ARHGAP10: variants seen among roughly 807,000 people sequenced by gnomAD.
ARHGAP10 encodes Rho GTPase activating protein 10.
A neutral mutation model predicts 108.6 loss-of-function variants in ARHGAP10; 87 were observed. The observed-to-expected ratio is 0.80, with a 90% confidence interval of 0.67 to 0.96. ARHGAP10 has a LOEUF of 0.96. Among genes scored for constraint, ARHGAP10 ranks in the 40% least tolerant of loss-of-function variants. The probability of loss-of-function intolerance (pLI) is 0.00; values close to 1 mark genes in which losing one functional copy is unlikely to be tolerated. For synonymous variants in ARHGAP10, 347 were observed against 341.1 expected, an observed-to-expected ratio of 1.02 and a Z score of -0.19; for missense variants, 939 against 954.5, an observed-to-expected ratio of 0.98 and a Z score of 0.21.
chr4:147,808,503 G>A (rs1257973574), intron 1 of ARHGAP10, among the ~76,000 whole-genome samples: 1 of 152,062 alleles, frequency 6.6e-6, no homozygotes, highest in African/African-American at 2.4e-5. Context: ...TTTAAGCAGG[G>A]GAGTAAGGAG....
chr4:147,760,436 T>G (rs2126704542), intron 1 of ARHGAP10, among the ~76,000 whole-genome samples: 1 of 152,166 alleles, frequency 6.6e-6, no homozygotes, highest in East Asian at 1.9e-4. Flanking sequence ...CTCCCGTGAG[T>G]CCACATCACT....
intron 8 of ARHGAP10, among the ~76,000 whole-genome samples, chr4:147,875,411 T>C (rs952186938): frequency 6.6e-6 from 1 of 152,164 alleles, no homozygotes; most frequent in African/African-American, 2.4e-5. Context: ...TTACACTGTG[T>C]GCACCCCAGG....
intron 10 of ARHGAP10, among the ~76,000 whole-genome samples, chr4:147,885,431 A>T (rs898059106): frequency 6.6e-6 from 1 of 152,214 alleles, no homozygotes; most frequent in African/African-American, 2.4e-5. Context: ...TGAGAATAGC[A>T]TGGGAAAAAC....
intron 18 of ARHGAP10, among the ~76,000 whole-genome samples, chr4:147,975,088 G>A (rs1739541234): frequency 6.6e-6 from 1 of 152,184 alleles, no homozygotes; most frequent in South Asian, 2.1e-4. Context: ...GGATGACTTT[G>A]TGCCAAGGGA....
At position 147,847,178 on chromosome 4, in the gene ARHGAP10, A is replaced by C; in HGVS notation, c.340A>C (p.Lys114Gln). Residue 114 changes from lysine (K) to glutamine (Q), a missense_variant, in exon 4 of 23, where the codon AAA becomes CAA. Transcript: ENST00000336498. ...ATTAAGTGTAACTGAAACCCTGATT[A>C]AACCCTTGGAAAAATTCAGAAAAGA... ...MALSVTETLI[K>Q]PLEKFRKEQL... 6.2e-7 allele frequency: 1 copy of C among 1,613,570 alleles called. No homozygotes were observed. Among genetic ancestry groups the C allele is most frequent in the South Asian group, 1.1e-5 (1 of 91,060 alleles).
intron 1 of ARHGAP10, among the ~76,000 whole-genome samples, chr4:147,788,002 G>A (rs11733543): frequency 0.95 from 144,499 of 152,232 alleles, 68,750 homozygotes; most frequent in East Asian, 0.98. Flanking sequence ...CCGGATGTGA[G>A]AAAACTTCGT....
At chr4:147,775,408 A>T (rs12648074) in intron 1 of ARHGAP10, among the ~76,000 whole-genome samples, 114,057 of 152,202 alleles carry the variant, frequency 0.75, 48,742 homozygotes, top group Non-Finnish European at 0.94. Flanking sequence ...AGAGGCTGCT[A>T]GGAGAAAGCA....
intron 14 of ARHGAP10, 59 bp from the exon 15 acceptor site, chr4:147,946,558 A>G: frequency 1.4e-6 from 2 of 1,466,982 alleles, no homozygotes; most frequent in Non-Finnish European, 9.4e-7. Context: ...TGAGCTAGAC[A>G]AGAGGACCTT....
At chr4:147,849,825 TC>T (rs1191805204) in intron 4 of ARHGAP10, among the ~76,000 whole-genome samples, 6 of 152,210 alleles carry the variant, frequency 3.9e-5, no homozygotes, top group Non-Finnish European at 7.3e-5. Flanking sequence ...TTGAGCCCTA[TC>T]TGTTTGGTTT....
At chr4:148,051,536 A>G (rs1283150490) in intron 20 of ARHGAP10, among the ~76,000 whole-genome samples, 1 of 152,194 alleles carries the variant, frequency 6.6e-6, no homozygotes, top group African/African-American at 2.4e-5. Flanking sequence ...TTCTGCTGGC[A>G]CATTCTCAAA....
At chr4:148,050,696 A>G (rs1049522665) in intron 20 of ARHGAP10, among the ~76,000 whole-genome samples, 4 of 152,186 alleles carry the variant, frequency 2.6e-5, no homozygotes, top group African/African-American at 9.7e-5. Context: ...TCTTATAAAG[A>G]TTACAAACTC....
intron 10 of ARHGAP10, among the ~76,000 whole-genome samples, chr4:147,892,065 A>G (rs1017688934): frequency 6.6e-6 from 1 of 152,128 alleles, no homozygotes; most frequent in African/African-American, 2.4e-5. Context: ...GCTCTCATTA[A>G]TCTGACATTT....
chr4:147,984,416 C>T (rs1407873590), intron 18 of ARHGAP10, among the ~76,000 whole-genome samples: 2 of 152,236 alleles, frequency 1.3e-5, no homozygotes, highest in East Asian at 1.9e-4. Flanking sequence ...TCTCCATGTT[C>T]GTTCCAGGGC....
At chr4:147,990,388 C>T (rs899544318) in intron 18 of ARHGAP10, among the ~76,000 whole-genome samples, 1 of 152,224 alleles carries the variant, frequency 6.6e-6, no homozygotes, top group Non-Finnish European at 1.5e-5. Flanking sequence ...TTAGCTCAGG[C>T]ACACTGGGGC....
chr4:148,005,448 T>C (rs1365456872), intron 18 of ARHGAP10, among the ~76,000 whole-genome samples: 1 of 152,176 alleles, frequency 6.6e-6, no homozygotes, highest in Admixed American at 6.5e-5. Context: ...GAAATATATA[T>C]ACAATAGTGA....
chr4:147,807,514 C>T (rs942046572), intron 1 of ARHGAP10, among the ~76,000 whole-genome samples: 9 of 150,792 alleles, frequency 6.0e-5, no homozygotes, highest in African/African-American at 9.8e-5. Flanking sequence ...GTAAAGAGGT[C>T]GGTGTATTTT....
At chr4:148,023,234 A>G in intron 18 of ARHGAP10, 29 bp from the exon 19 acceptor site, 3 of 1,610,850 alleles carry the variant, frequency 1.9e-6, no homozygotes, top group Non-Finnish European at 2.5e-6. Context: ...CATGGTAAAT[A>G]ATTCCTGTCC....
intron 18 of ARHGAP10, among the ~76,000 whole-genome samples, chr4:148,018,730 G>A (rs1486322283): frequency 1.3e-5 from 2 of 152,128 alleles, no homozygotes; most frequent in East Asian, 1.9e-4. Flanking sequence ...AGTACTAGCT[G>A]GTAGTATTTT....
chr4:147,890,787 A>G (rs1347683213), intron 10 of ARHGAP10, among the ~76,000 whole-genome samples: 1 of 152,028 alleles, frequency 6.6e-6, no homozygotes, highest in Non-Finnish European at 1.5e-5. Context: ...AGATCACGCC[A>G]TTGGACTCCA....
Sources: allele counts gnomAD v4.1 joint callset (sites outside exome capture counted in the v4.1 genomes callset), GRCh38; gene constraint gnomAD v4.1.1; transcripts MANE v1.5; gene names NCBI Gene and HGNC (gene_info 2026-07-23, HGNC 2026-07-21).